Variants in FIS1 observed in about 807,000 individuals in gnomAD.
The protein encoded by FIS1 is fission, mitochondrial 1.
A neutral mutation model predicts 21.6 loss-of-function variants in FIS1; 16 were observed. The observed-to-expected ratio is 0.74, with a 90% CI of 0.50 to 1.12. The LOEUF (loss-of-function observed/expected upper bound fraction) is 1.12. Among genes scored for constraint, FIS1 ranks in the 50% most tolerant of loss-of-function variants. The pLI is 0.00. For missense variants in FIS1, 198 were observed against 190.9 expected (o/e 1.04, Z -0.22); for synonymous variants, 92 against 82.2 (o/e 1.12, Z -0.65).
At chr7:101,243,663 A>G (rs1445890039) in intron 2 of FIS1, among the ~76,000 whole-genome samples, 3 of 152,334 alleles carry the variant, frequency 2.0e-5, no homozygotes, top group South Asian at 2.1e-4. Flanking sequence ...AAGATTCTCA[A>G]TAGCTGCTAA....
In FIS1 at chr7:101,239,836, G is replaced by A. The variant is rs761850745; in HGVS notation, c.429C>T (p.Ile143=). 1.3e-5 allele frequency: 20 copies of A among 1,596,636 alleles called. No individual in the cohort carries two copies. The East Asian group carries it at 4.3e-4, about 34-fold the overall frequency. ...ATTTGGACTTGGACACAGCAAGTCC[G>A]ATGAGTCCGGCCAGTCCCGCCACAC... ...ALGVAGLAGL[I]GLAVSKSKS is the part of the protein sequence containing the mutation. The change falls in exon 5 of 5, where the codon ATC becomes ATT. Residue 143 remains isoleucine, a synonymous_variant. Transcript: ENST00000223136.
chr7:101,240,495 G>C (rs59337995), intron 3 of FIS1, among the ~76,000 whole-genome samples: 3,285 of 152,204 alleles, frequency 0.022, 126 homozygotes, highest in African/African-American at 0.075. Flanking sequence ...CCCTGCCCAC[G>C]TGAAGGGCCT....
chr7:101,243,360 G>A (rs1190457535), intron 2 of FIS1, among the ~76,000 whole-genome samples: 1 of 152,232 alleles, frequency 6.6e-6, no homozygotes, highest in Non-Finnish European at 1.5e-5. Context: ...CAGATCACCT[G>A]AGGTCAGGAG....
At position 101,244,249 on chromosome 7, in the gene FIS1, C is replaced by G. The variant is rs1798785078; in HGVS notation, c.46-110G>C. On this transcript the variant is annotated intron_variant, in intron 1 of 4. Coordinates refer to ENST00000223136, the MANE Select transcript of FIS1 (RefSeq NM_016068.3). ...CCCTTTCCCTCGCAGGTCTCGGTAT[C>G]TGGCACCCCAGCTTCTGCTATCTCC... 16 of 1,375,266 alleles carry G rather than the reference C, an allele frequency of 1.2e-5. No individual in the cohort carries two copies. In the South Asian group the frequency reaches 2.2e-4, roughly 19 times the overall value. 85.2% of individuals were successfully genotyped at this position (1,375,266 alleles called of 1,614,324 possible).
At chr7:101,241,092 C>T (rs1798741110) in intron 2 of FIS1, 186 bp from the exon 3 acceptor site, 1 of 612,478 alleles carries the variant, frequency 1.6e-6, no homozygotes, top group African/African-American at 1.8e-5. Flanking sequence ...AGGGTGAACC[C>T]CAGCTGTGCC....
chr7:101,244,353 C>T (rs957097003), intron 1 of FIS1, among the ~76,000 whole-genome samples: 10 of 152,194 alleles, frequency 6.6e-5, no homozygotes, highest in African/African-American at 9.6e-5. Flanking sequence ...CTCCCCTCCC[C>T]GCGGCGGTAC....
chr7:101,241,998 T>C (rs1798757400), intron 2 of FIS1, among the ~76,000 whole-genome samples: 1 of 151,936 alleles, frequency 6.6e-6, no homozygotes, highest in South Asian at 2.1e-4. Flanking sequence ...TGGAGCACAG[T>C]AGCATGTCCA....
At chr7:101,241,422 T>C (rs1265970126) in intron 2 of FIS1, among the ~76,000 whole-genome samples, 4 of 151,932 alleles carry the variant, frequency 2.6e-5, no homozygotes, top group African/African-American at 7.3e-5. Flanking sequence ...AGTTTCACCA[T>C]GTTGGCCAGG....
At chr7:101,241,088 AACCCCAGCTGTGCCAAC>A in intron 2 of FIS1, 182 bp from the exon 3 acceptor site, 1 of 623,516 alleles carries the variant, frequency 1.6e-6, no homozygotes, top group Non-Finnish European at 2.9e-6. Context: ...GGACAGGGTG[AACCCCAGCTGTGCCAAC>A]ACCCCAGTGA....
At chr7:101,244,668 G>T in intron 1 of FIS1, 1 of 528,846 alleles carries the variant, frequency 1.9e-6, no homozygotes, top group Non-Finnish European at 3.4e-6. Context: ...CGCTGGAGGA[G>T]CGCCCTGAGC....
Position 101,240,220 on chromosome 7 carries a change from G to C in FIS1, c.283C>G (p.Arg95Gly), listed in dbSNP as rs1226997254. The change falls in exon 4 of 5, where the codon CGC becomes GGC. Residue 95 changes from arginine to glycine, a missense_variant. Coordinates refer to ENST00000223136, the MANE Select transcript of FIS1 (RefSeq NM_016068.3). The stretch of plus-strand genomic sequence containing the variant: ...TGGGGCTCTGTCTGCAGCAACCCGC[G>C]GACGTACTTTAAGGCCTTCTCGTAT... The part of the protein sequence containing the change: ...KEYEKALKYV[R>G]GLLQTEPQNN... 1 of 1,614,112 alleles carries C rather than the reference G, an allele frequency of 6.2e-7. No individual in the cohort carries two copies. Among genetic ancestry groups the C allele is most frequent in the Non-Finnish European group, 8.5e-7 (1 of 1,180,036 alleles).
chr7:101,239,605 A>C lies in FIS1; in HGVS notation c.*201T>G. On this transcript the variant is annotated 3_prime_UTR_variant, in exon 5 of 5. Transcript: ENST00000223136. ...ACCCACCCCTCCCCTCAACGCAGACACGGGGGTTCCCAAGCCACAGCCCCG... is the reference window on the plus strand; with the variant it reads ...ACCCACCCCTCCCCTCAACGCAGACCCGGGGGTTCCCAAGCCACAGCCCCG... 3.2e-6 allele frequency: 2 copies of C among 626,438 alleles called. No homozygotes were observed. The highest frequency in any genetic ancestry group is 5.9e-6 in the Non-Finnish European group (2 of 340,252). 38.8% of individuals were successfully genotyped at this position (626,438 alleles called of 1,614,324 possible).
At chr7:101,243,920 G>A (rs915062306) in intron 2 of FIS1, 87 bp downstream of exon 2, 2 of 1,492,324 alleles carry the variant, frequency 1.3e-6, no homozygotes, top group African/African-American at 1.4e-5. Context: ...AAATCTACCG[G>A]AGACAACTCA....
At chr7:101,241,176 C>T (rs1798741891) in intron 2 of FIS1, 1 of 435,668 alleles carries the variant, frequency 2.3e-6, no homozygotes, top group East Asian at 4.0e-5. Flanking sequence ...ATGAGGAAAT[C>T]GGGGCCCTGG....
chr7:101,241,019 C>G, intron 2 of FIS1, 113 bp from the exon 3 acceptor site: 1 of 1,043,918 alleles, frequency 9.6e-7, no homozygotes, highest in Non-Finnish European at 1.5e-6. Flanking sequence ...CTGGGAGGGT[C>G]ACAGTCCTAA....
At chr7:101,243,598 C>T (rs1798775112) in intron 2 of FIS1, among the ~76,000 whole-genome samples, 1 of 152,094 alleles carries the variant, frequency 6.6e-6, no homozygotes, top group African/African-American at 2.4e-5. Flanking sequence ...AAACAAAAAG[C>T]ACTATCTGCT....
At chr7:101,242,639 C>G (rs1798765138) in intron 2 of FIS1, among the ~76,000 whole-genome samples, 1 of 152,156 alleles carries the variant, frequency 6.6e-6, no homozygotes, top group Non-Finnish European at 1.5e-5. Context: ...AAGGTGTGCG[C>G]CACCAGGCCC....
intron 2 of FIS1, 30 bp downstream of exon 2, chr7:101,243,977 C>T: frequency 6.3e-7 from 1 of 1,593,982 alleles, no homozygotes; most frequent in Non-Finnish European, 8.6e-7. Context: ...GCCCAGATGG[C>T]AGCGGGAAAG....
rs980206584 is a variant in FIS1 at position 101,239,521 on chromosome 7, G to A, written c.*285C>T. The A allele has an allele frequency of 1.4e-5, 7 of 495,848 alleles. No individual in the cohort carries two copies. The highest frequency in any genetic ancestry group is 9.7e-5 in the African/African-American group (5 of 51,398). 30.7% of individuals were successfully genotyped at this position (495,848 alleles called of 1,614,324 possible). On this transcript the variant is annotated 3_prime_UTR_variant, in exon 5 of 5. Transcript: ENST00000223136. ...ACAAAGAACCCCGTGCCAACCTGGA[G>A]GGCAGGGGCAGGAGAGGACCAGGAG...
Sources: gnomAD v4.1 joint callset for allele counts (sites outside exome capture counted in the v4.1 genomes callset) on GRCh38, gnomAD v4.1.1 for gene constraint, MANE v1.5 for transcripts, NCBI Gene and HGNC (gene_info 2026-07-23, HGNC 2026-07-21) for gene names.